Variants in NUFIP1 observed in about 807,000 individuals in gnomAD.
NUFIP1 encodes the protein nuclear FMR1 interacting protein 1.
Under a neutral mutation model 56.2 loss-of-function variants are expected in NUFIP1, and 38 were observed. The ratio of observed to expected loss-of-function variants is 0.68; its 90% CI spans 0.52 to 0.89. The LOEUF is 0.89. Ranked by LOEUF, NUFIP1 falls within the 40% of genes least tolerant of loss-of-function variation. The probability of loss-of-function intolerance (pLI) is 0.00; values close to 1 mark genes in which losing one functional copy is unlikely to be tolerated. For synonymous variants in NUFIP1, 215 were observed against 212.4 expected, an observed-to-expected ratio of 1.01 and a Z score of -0.10; for missense variants, 567 against 605.8, an observed-to-expected ratio of 0.94 and a Z score of 0.67.
intron 5 of NUFIP1, among the ~76,000 whole-genome samples, 180 bp downstream of exon 5, chr13:44,979,010 C>T (rs1872087150): frequency 6.6e-6 from 1 of 152,170 alleles, no homozygotes; most frequent in Admixed American, 6.5e-5. Flanking sequence ...ACATTTGCTA[C>T]TTAAATGAAG....
At chr13:44,960,166 G>A (rs557725938) in intron 6 of NUFIP1, among the ~76,000 whole-genome samples, 6 of 151,016 alleles carry the variant, frequency 4.0e-5, no homozygotes, top group South Asian at 4.2e-4. Context: ...TTCTGACCTC[G>A]TGATCTGCCC....
chr13:44,953,830 T>C (rs1277747651), intron 7 of NUFIP1, among the ~76,000 whole-genome samples: 2 of 152,134 alleles, frequency 1.3e-5, no homozygotes, highest in Admixed American at 1.3e-4. Context: ...GTGTCAAAGC[T>C]CACTATACTT....
chr13:44,958,298 T>C (rs539991573), intron 7 of NUFIP1, among the ~76,000 whole-genome samples: 3 of 152,332 alleles, frequency 2.0e-5, no homozygotes, highest in Non-Finnish European at 4.4e-5. Flanking sequence ...GGCATAAACA[T>C]ACTTAGTCTC....
chr13:44,982,183 G>A lies in NUFIP1; in HGVS notation c.413-29C>T, dbSNP rs774124504. 2.8e-6 allele frequency: 3 copies of A among 1,068,706 alleles called. No individual in the cohort carries two copies. In the East Asian group the frequency reaches 8.4e-5, roughly 30 times the overall value. The allele number at this position is 1,068,706 out of a possible 1,614,324, so 66.2% of individuals were successfully genotyped here. A position where few individuals can be genotyped will look rare whatever the true frequency, so the allele number is the denominator to read the frequency against. ...AAAAAAAAAAGATCCATAAATGTTTGCAACAATGTAATTATTTAAATTATA... is the reference window on the plus strand; with the variant it reads ...AAAAAAAAAAGATCCATAAATGTTTACAACAATGTAATTATTTAAATTATA... On this transcript the variant is annotated intron_variant, in intron 1 of 9. Coordinates refer to ENST00000379161, the MANE Select transcript of NUFIP1 (RefSeq NM_012345.3).
At chr13:44,943,252 T>C (rs1870802868) in intron 9 of NUFIP1, among the ~76,000 whole-genome samples, 190 bp downstream of exon 9, 1 of 152,162 alleles carries the variant, frequency 6.6e-6, no homozygotes, top group Admixed American at 6.5e-5. Flanking sequence ...AATTACATTA[T>C]TCCACATTCA....
At chr13:44,946,391 A>C (rs78905829) in intron 8 of NUFIP1, among the ~76,000 whole-genome samples, 1 of 152,118 alleles carries the variant, frequency 6.6e-6, no homozygotes, top group Non-Finnish European at 1.5e-5. Flanking sequence ...AATCTCCCCC[A>C]TTATAGCCAA....
At chr13:44,952,626 T>C (rs955499664) in intron 7 of NUFIP1, among the ~76,000 whole-genome samples, 2 of 152,202 alleles carry the variant, frequency 1.3e-5, no homozygotes, top group Non-Finnish European at 2.9e-5. Flanking sequence ...GTTGCAAAGA[T>C]AGTACAGAGT....
intron 8 of NUFIP1, among the ~76,000 whole-genome samples, chr13:44,949,288 G>A (rs1414955084): frequency 1.9e-4 from 25 of 130,836 alleles, no homozygotes; most frequent in African/African-American, 6.3e-4. Flanking sequence ...TGCAAGCTCC[G>A]CCTCCCGGGT....
At position 44,941,337 on chromosome 13, in the gene NUFIP1, A is replaced by T. The variant is rs201358699; in HGVS notation, c.1372-15T>A. 463 of 1,470,640 alleles carry T rather than the reference A, an allele frequency of 3.1e-4. 5 individuals carry two copies. In the African/African-American group the frequency reaches 4.9e-3, roughly 15 times the overall value. The allele number at this position is 1,470,640 out of a possible 1,614,324, so 91.1% of individuals were successfully genotyped here. On this transcript the variant is annotated splice_polypyrimidine_tract_variant and intron_variant, in intron 9 of 9. Transcript: ENST00000379161. ...GGAGCTAGAAGCTAAAACACAATTTAAAAAAAGATGAGGTAGTAAATAAAT... is the reference window on the plus strand; with the variant it reads ...GGAGCTAGAAGCTAAAACACAATTTTAAAAAAGATGAGGTAGTAAATAAAT...
At chr13:44,988,647 G>A (rs888066340) in intron 1 of NUFIP1, among the ~76,000 whole-genome samples, 1 of 152,054 alleles carries the variant, frequency 6.6e-6, no homozygotes, top group Non-Finnish European at 1.5e-5. Context: ...CCAGATTCTG[G>A]TACATAGTCG....
intron 7 of NUFIP1, among the ~76,000 whole-genome samples, chr13:44,954,639 C>T (rs1194534450): frequency 6.6e-6 from 1 of 152,170 alleles, no homozygotes; most frequent in African/African-American, 2.4e-5. Flanking sequence ...CCCCATCCCA[C>T]GATTTCCTAT....
intron 5 of NUFIP1, among the ~76,000 whole-genome samples, chr13:44,974,191 C>T (rs534320023): frequency 6.6e-6 from 1 of 152,330 alleles, no homozygotes; most frequent in Admixed American, 6.5e-5. Context: ...TCAGATAGCA[C>T]TGCCCAAGTG....
chr13:44,957,710 TA>T (rs1479640538), intron 7 of NUFIP1, among the ~76,000 whole-genome samples: 1 of 151,982 alleles, frequency 6.6e-6, no homozygotes, highest in African/African-American at 2.4e-5. Flanking sequence ...TTTTTTTAAA[TA>T]AAAAGGGAAA....
chr13:44,976,409 A>G (rs1179592058), intron 5 of NUFIP1, among the ~76,000 whole-genome samples: 3 of 151,842 alleles, frequency 2.0e-5, no homozygotes, highest in Non-Finnish European at 2.9e-5. Context: ...GAGAAGGAAG[A>G]GGAAGAAGAG....
At chr13:44,968,149 T>C (rs1871675026) in intron 5 of NUFIP1, among the ~76,000 whole-genome samples, 1 of 151,792 alleles carries the variant, frequency 6.6e-6, no homozygotes, top group Admixed American at 6.6e-5. Flanking sequence ...AAAAATAGAC[T>C]CCATAAAAAA....
At chr13:44,963,003 C>T (rs752134708) in intron 6 of NUFIP1, among the ~76,000 whole-genome samples, 2 of 151,858 alleles carry the variant, frequency 1.3e-5, no homozygotes, top group South Asian at 2.1e-4. Flanking sequence ...TTTCCTAACC[C>T]GTTTCTCAGA....
chr13:44,975,381 C>T (rs780652209), intron 5 of NUFIP1, among the ~76,000 whole-genome samples: 1 of 152,156 alleles, frequency 6.6e-6, no homozygotes, highest in South Asian at 2.1e-4. Context: ...CATCCTCTTC[C>T]AGTGTTCCCC....
At chr13:44,962,183 C>T (rs1294985870) in intron 6 of NUFIP1, among the ~76,000 whole-genome samples, 2 of 152,122 alleles carry the variant, frequency 1.3e-5, no homozygotes, top group Admixed American at 1.3e-4. Flanking sequence ...GAACTAAGCA[C>T]TAGTTAAAAG....
intron 7 of NUFIP1, among the ~76,000 whole-genome samples, chr13:44,958,964 T>A (rs1263931103): frequency 6.6e-6 from 1 of 152,226 alleles, no homozygotes; most frequent in African/African-American, 2.4e-5. Flanking sequence ...ATTAGTATTT[T>A]TTGCCCAGAG....
Sources: allele counts gnomAD v4.1 joint callset (sites outside exome capture counted in the v4.1 genomes callset), GRCh38; gene constraint gnomAD v4.1.1; transcripts MANE v1.5; gene names NCBI Gene and HGNC (gene_info 2026-07-23, HGNC 2026-07-21).